The following NBEA variants were observed in gnomAD, a reference collection of about 807,000 sequenced individuals.
NBEA encodes the protein lysosomal-trafficking regulator 2.
A neutral mutation model predicts 343.4 loss-of-function variants in NBEA; 44 were observed. That is an observed-to-expected ratio of 0.13 (90% CI 0.10 to 0.16). The LOEUF (loss-of-function observed/expected upper bound fraction) is 0.16. Among genes scored for constraint, NBEA ranks in the 10% least tolerant of loss-of-function variants. The pLI, the probability that NBEA is intolerant of heterozygous loss-of-function variation, is 1.00. For synonymous variants in NBEA, 1,175 were observed against 1,238.7 expected (o/e 0.95, Z 1.08); for missense variants, 2,555 against 3,631.3 (o/e 0.70, Z 7.62).
chr13:35,468,045 T>G (rs1268868602), intron 40 of NBEA, among the ~76,000 whole-genome samples: 3 of 151,868 alleles, frequency 2.0e-5, no homozygotes, highest in African/African-American at 7.3e-5. Flanking sequence ...CTTGGAAATT[T>G]AATAGCCATC....
chr13:35,440,378 G>A (rs2045673228), intron 39 of NBEA, among the ~76,000 whole-genome samples: 1 of 152,100 alleles, frequency 6.6e-6, no homozygotes, highest in Non-Finnish European at 1.5e-5. Context: ...TTGGTAAAGT[G>A]TACACACAAT....
intron 41 of NBEA, among the ~76,000 whole-genome samples, chr13:35,502,137 A>G (rs1054078284): frequency 6.6e-6 from 1 of 152,118 alleles, no homozygotes; most frequent in Non-Finnish European, 1.5e-5. Context: ...TACGACTGTG[A>G]ATGTGCTCTT....
At chr13:35,588,436 T>TCC (rs1416243532) in intron 46 of NBEA, among the ~76,000 whole-genome samples, 4 of 148,776 alleles carry the variant, frequency 2.7e-5, no homozygotes, top group Admixed American at 1.3e-4. Flanking sequence ...TAAGTGTCTG[T>TCC]CCTTTACCTT....
At position 35,335,530 on chromosome 13, in the gene NBEA, T is replaced by C. The variant is rs1219958946; in HGVS notation, c.5904-13578T>C. 2.6e-5 allele frequency among the ~76,000 whole-genome samples: 4 copies of C among 152,234 alleles called. No individual in the cohort carries two copies. In the East Asian group the frequency reaches 7.7e-4, roughly 29 times the overall value. On this transcript the variant is annotated intron_variant, in intron 36 of 58. Transcript: ENST00000379939. ...CTCTTTGATTTGTTTCATCGATGTA[T>C]TATAAATTTCCTTATCAAGATCTTT... is the stretch of plus-strand genomic sequence containing the variant.
At chr13:35,158,975 A>C in intron 21 of NBEA, 41 bp from the exon 22 acceptor site, 3 of 1,437,646 alleles carry the variant, frequency 2.1e-6, no homozygotes, top group Non-Finnish European at 2.8e-6. Context: ...TCTTTTTGAT[A>C]TGTACAAAAT....
rs2069226913 is a variant in NBEA at position 35,157,121 on chromosome 13, C to T, written c.2695C>T (p.Leu899Phe). The T allele has an allele frequency of 6.2e-7, 1 of 1,603,786 alleles. No homozygotes were observed. Among genetic ancestry groups the T allele is most frequent in the Non-Finnish European group, 8.5e-7 (1 of 1,174,978 alleles). ...AGTGTGGCAGGATTGGATGTTTTCT[C>T]TTGGCTATATCAATCCTAAAAATTC... ...CSVWQDWMFS[L>F]GYINPKNSEE... Residue 899 changes from leucine to phenylalanine, a missense_variant, in exon 21 of 59, where the codon CTT (leucine) becomes TTT (phenylalanine). Coordinates refer to ENST00000379939, the MANE Select transcript of NBEA (RefSeq NM_001385012.1).
At chr13:35,151,832 A>G (rs1252085892) in intron 18 of NBEA, among the ~76,000 whole-genome samples, 1 of 152,006 alleles carries the variant, frequency 6.6e-6, no homozygotes, top group Non-Finnish European at 1.5e-5. Flanking sequence ...TTTAAATTCT[A>G]TTTGTATCTT....
At chr13:35,091,511 A>G (rs2065080702) in intron 10 of NBEA, among the ~76,000 whole-genome samples, 1 of 152,034 alleles carries the variant, frequency 6.6e-6, no homozygotes, top group South Asian at 2.1e-4. Context: ...ATCTGTTTTC[A>G]CAGATGACAT....
In NBEA at chr13:35,098,970, C is replaced by T. The variant is rs1038183171; in HGVS notation, c.1680+565C>T. ...TCCACTAGGGGTCTTGGAACTATCG[C>T]GTCAGGATAAGGAGGGAGTACTGTA... On this transcript the variant is annotated intron_variant, in intron 11 of 58. Coordinates refer to ENST00000379939, the MANE Select transcript of NBEA (RefSeq NM_001385012.1). Among the ~76,000 whole-genome samples the T allele has an allele frequency of 5.3e-5, 8 of 151,388 alleles. No homozygotes were observed. The South Asian group carries it at 6.3e-4, about 12-fold the overall frequency.
intron 8 of NBEA, among the ~76,000 whole-genome samples, chr13:35,065,466 G>T (rs2063617495): frequency 6.6e-6 from 1 of 151,832 alleles, no homozygotes; most frequent in South Asian, 2.1e-4. Flanking sequence ...CAGGTATGTG[G>T]TGTCCACTTT....
At chr13:35,330,150 T>C (rs188813476) in intron 36 of NBEA, among the ~76,000 whole-genome samples, 1 of 152,186 alleles carries the variant, frequency 6.6e-6, no homozygotes, top group East Asian at 1.9e-4. Flanking sequence ...AGCAAGTTAC[T>C]TAATCTGTTT....
At chr13:35,142,929 T>C (rs374222550) in intron 18 of NBEA, among the ~76,000 whole-genome samples, 2 of 152,334 alleles carry the variant, frequency 1.3e-5, no homozygotes, top group African/African-American at 2.4e-5. Context: ...ATAGGTATAC[T>C]ACCTCACAGG....
At chr13:35,072,356 T>C (rs1479518764) in intron 10 of NBEA, among the ~76,000 whole-genome samples, 1 of 152,160 alleles carries the variant, frequency 6.6e-6, no homozygotes, top group Non-Finnish European at 1.5e-5. Context: ...TTACTGTCTT[T>C]CTTCAAAACT....
At chr13:35,213,212 A>G (rs1360496136) in intron 33 of NBEA, among the ~76,000 whole-genome samples, 1 of 152,030 alleles carries the variant, frequency 6.6e-6, no homozygotes, top group Non-Finnish European at 1.5e-5. Flanking sequence ...AGCACCATTT[A>G]TTTGAAAGAC....
At chr13:35,161,247 GGTTT>G (rs2069539274) in intron 22 of NBEA, among the ~76,000 whole-genome samples, 1 of 152,034 alleles carries the variant, frequency 6.6e-6, no homozygotes. Flanking sequence ...ACATTTTTCT[GGTTT>G]GTTTTCTAAC....
intron 1 of NBEA, among the ~76,000 whole-genome samples, chr13:34,989,822 A>G (rs1286178527): frequency 6.6e-6 from 1 of 150,958 alleles, no homozygotes; most frequent in Admixed American, 6.6e-5. Context: ...TGAGCCTGTA[A>G]AACCATAAAC....
intron 18 of NBEA, among the ~76,000 whole-genome samples, chr13:35,148,607 A>G (rs1446024650): frequency 6.6e-6 from 1 of 152,198 alleles, no homozygotes; most frequent in Non-Finnish European, 1.5e-5. Context: ...AAGAATATAT[A>G]TATATATTTC....
chr13:34,997,932 C>A (rs2060993852), intron 1 of NBEA, among the ~76,000 whole-genome samples: 1 of 152,208 alleles, frequency 6.6e-6, no homozygotes, highest in African/African-American at 2.4e-5. Flanking sequence ...CATCATAGTA[C>A]CTTTTTCAGA....
chr13:35,369,450 G>T (rs2041309451), intron 38 of NBEA, among the ~76,000 whole-genome samples: 1 of 151,776 alleles, frequency 6.6e-6, no homozygotes, highest in Admixed American at 6.6e-5. Flanking sequence ...GATAGGGATT[G>T]CTTTGAATCT....
Sources: gnomAD v4.1 joint callset for allele counts (sites outside exome capture counted in the v4.1 genomes callset) on GRCh38, gnomAD v4.1.1 for gene constraint, MANE v1.5 for transcripts, NCBI Gene and HGNC (gene_info 2026-07-23, HGNC 2026-07-21) for gene names.